The following RAD51B variants were observed in gnomAD, a reference collection of about 807,000 sequenced individuals.
RAD51B encodes DNA repair protein RAD51 homolog 2.
A neutral mutation model predicts 42.2 loss-of-function variants in RAD51B; 38 were observed. The ratio of observed to expected loss-of-function variants is 0.90; its 90% confidence interval spans 0.70 to 1.18. The LOEUF is 1.18. Ranked by LOEUF, RAD51B falls within the 50% of genes most tolerant of loss-of-function variation. RAD51B has a pLI of 0.00. For synonymous variants in RAD51B, 154 were observed against 145.2 expected (o/e 1.06, Z -0.43); for missense variants, 373 against 400.7 (o/e 0.93, Z 0.59).
chr14:67,943,067 T>C (rs2045264103), intron 7 of RAD51B, among the ~76,000 whole-genome samples: 1 of 151,644 alleles, frequency 6.6e-6, no homozygotes, highest in Non-Finnish European at 1.5e-5. Context: ...AACTAAGTAA[T>C]AGATTTAAAT....
intron 7 of RAD51B, among the ~76,000 whole-genome samples, chr14:68,123,004 G>A (rs534543522): frequency 7.9e-5 from 12 of 151,982 alleles, no homozygotes; most frequent in African/African-American, 2.7e-4. Context: ...CAAATGCATA[G>A]CTTATCTTTG....
intron 4 of RAD51B, among the ~76,000 whole-genome samples, chr14:67,860,324 T>C (rs560550924): frequency 1.3e-5 from 2 of 152,230 alleles, no homozygotes. Context: ...AATTTCATTT[T>C]GTGCCATTAA....
chr14:68,423,825 T>C (rs901010843), intron 9 of RAD51B, among the ~76,000 whole-genome samples: 3 of 152,246 alleles, frequency 2.0e-5, no homozygotes, highest in Admixed American at 2.0e-4. Context: ...TAAGTAATGA[T>C]TAGTTATTTC....
intron 10 of RAD51B, among the ~76,000 whole-genome samples, chr14:68,610,240 T>G (rs1017027061): frequency 6.6e-6 from 1 of 152,210 alleles, no homozygotes; most frequent in Non-Finnish European, 1.5e-5. Context: ...CATCTCTTTC[T>G]TCTCTGTCTC....
chr14:68,649,134 C>T (rs565104606), intron 10 of RAD51B, among the ~76,000 whole-genome samples: 3 of 152,296 alleles, frequency 2.0e-5, no homozygotes, highest in Admixed American at 1.3e-4. Flanking sequence ...TCCTTGGGCA[C>T]ATTAGGACAC....
chr14:68,468,095 C>A, intron 9 of RAD51B, 77 bp from the exon 10 acceptor site: 1 of 1,285,788 alleles, frequency 7.8e-7, no homozygotes, highest in Non-Finnish European at 1.1e-6. Flanking sequence ...CACTTTGTCT[C>A]AAAGTGGGAA....
At chr14:67,919,278 G>A (rs1262312155) in intron 7 of RAD51B, among the ~76,000 whole-genome samples, 6 of 152,172 alleles carry the variant, frequency 3.9e-5, no homozygotes, top group African/African-American at 1.4e-4. Flanking sequence ...TAGGAAACCA[G>A]AATATGCCTC....
At chr14:68,362,028 A>AC (rs1404973095) in intron 8 of RAD51B, among the ~76,000 whole-genome samples, 1 of 152,184 alleles carries the variant, frequency 6.6e-6, no homozygotes, top group Non-Finnish European at 1.5e-5. Context: ...TTAAGAAGTC[A>AC]CTGCTTCTGT....
At chr14:68,508,668 C>T in intron 10 of RAD51B, among the ~76,000 whole-genome samples, 1 of 152,160 alleles carries the variant, frequency 6.6e-6, no homozygotes, top group East Asian at 1.9e-4. Context: ...GTGGGGAGAA[C>T]TCCTACTGCT....
At chr14:68,138,699 C>A (rs377029849) in intron 7 of RAD51B, among the ~76,000 whole-genome samples, 16 of 152,268 alleles carry the variant, frequency 1.1e-4, no homozygotes, top group African/African-American at 3.9e-4. Context: ...TTGGCCCAAT[C>A]TTTTGCTAAC....
rs551392772 is a variant in RAD51B at position 68,673,690 on chromosome 14, C to T, written c.*11+22834C>T. 2.6e-5 allele frequency among the ~76,000 whole-genome samples: 4 copies of T among 151,684 alleles called. No homozygotes were observed. The South Asian group carries it at 8.3e-4, about 31-fold the overall frequency. ...CTGTGCACACACATATGTATATGTG[C>T]ACACACATACACATACTGTACACAC... On this transcript the variant is annotated intron_variant, in intron 11 of 11. Coordinates refer to the RAD51B transcript ENST00000488612.
At chr14:67,822,902 G>A (rs937155598) in intron 1 of RAD51B, among the ~76,000 whole-genome samples, 1 of 152,156 alleles carries the variant, frequency 6.6e-6, no homozygotes, top group Admixed American at 6.5e-5. Flanking sequence ...TAGACTGCCT[G>A]GATTCAAATT....
Position 67,967,202 on chromosome 14 carries a change from A to T in RAD51B, c.756+79998A>T, listed in dbSNP as rs138954057. On this transcript the variant is annotated intron_variant, in intron 7 of 10. Transcript: ENST00000471583. ...CAGTGTGGGGAATACTGCCCCCATG[A>T]TTCAAACTATCTTCCACCAGGTCCC... 2.3e-3 allele frequency among the ~76,000 whole-genome samples: 349 copies of T among 152,304 alleles called. 1 individual carries two copies. Among genetic ancestry groups the T allele is most frequent in the Non-Finnish European group, 2.5e-3 (171 of 68,024 alleles).
At chr14:68,103,897 T>C (rs1181070249) in intron 7 of RAD51B, among the ~76,000 whole-genome samples, 3 of 152,210 alleles carry the variant, frequency 2.0e-5, no homozygotes, top group African/African-American at 7.2e-5. Context: ...GCACGTTTAA[T>C]ATAGTTTGTC....
chr14:68,503,879 T>C (rs1885094916), intron 10 of RAD51B, among the ~76,000 whole-genome samples: 1 of 152,184 alleles, frequency 6.6e-6, no homozygotes, highest in South Asian at 2.1e-4. Context: ...AGGAGGACTT[T>C]TTTGAAATTA....
At chr14:68,545,551 G>A (rs2076417796) in intron 10 of RAD51B, 1 of 455,930 alleles carries the variant, frequency 2.2e-6, no homozygotes, top group Non-Finnish European at 4.4e-6. Context: ...AGTACCTGGG[G>A]CAGAAACAGT....
At chr14:68,645,089 C>T (rs1245572745) in intron 10 of RAD51B, among the ~76,000 whole-genome samples, 1 of 152,156 alleles carries the variant, frequency 6.6e-6, no homozygotes, top group East Asian at 1.9e-4. Flanking sequence ...CACCACCATC[C>T]ATCACTAGAG....
At chr14:67,977,285 TA>T (rs1219292603) in intron 7 of RAD51B, among the ~76,000 whole-genome samples, 2 of 152,228 alleles carry the variant, frequency 1.3e-5, no homozygotes, top group Non-Finnish European at 2.9e-5. Flanking sequence ...CACCTGTATG[TA>T]AAAAATCCTT....
chr14:68,558,610 G>A (rs1197660767), intron 10 of RAD51B, among the ~76,000 whole-genome samples: 2 of 152,184 alleles, frequency 1.3e-5, no homozygotes, highest in Admixed American at 6.5e-5. Flanking sequence ...TCATCTTCAC[G>A]TGGCCCTTCC....
Sources: gnomAD v4.1 joint callset for allele counts (sites outside exome capture counted in the v4.1 genomes callset) on GRCh38, gnomAD v4.1.1 for gene constraint, MANE v1.5 for transcripts, NCBI Gene and HGNC (gene_info 2026-07-23, HGNC 2026-07-21) for gene names.